ZNF454: variants seen among roughly 807,000 people sequenced by gnomAD.
ZNF454 encodes the protein zinc finger protein 454.
ZNF454 carries 30 observed loss-of-function variants against 48.2 expected under a neutral mutation model. That is an observed-to-expected ratio of 0.62 (90% CI 0.47 to 0.84). The LOEUF (loss-of-function observed/expected upper bound fraction) is 0.84, where lower values mean the gene tolerates loss of function less well. Among genes scored for constraint, ZNF454 ranks in the 40% least tolerant of loss-of-function variants. ZNF454 has a pLI of 0.00. For missense variants in ZNF454, 510 were observed against 623.1 expected, an observed-to-expected ratio of 0.82 and a Z score of 1.93; for synonymous variants, 204 against 211.4, an observed-to-expected ratio of 0.97 and a Z score of 0.30.
At chr5:178,961,804 C>T (rs992201868) in intron 4 of ZNF454, among the ~76,000 whole-genome samples, 14 of 145,616 alleles carry the variant, frequency 9.6e-5, no homozygotes, top group African/African-American at 2.3e-4. Context: ...GGCAACAGAG[C>T]GAGACTCTGT....
intron 4 of ZNF454, among the ~76,000 whole-genome samples, chr5:178,948,533 T>C (rs930292786): frequency 3.3e-5 from 5 of 152,138 alleles, no homozygotes; most frequent in Non-Finnish European, 7.3e-5. Context: ...CTTTTGTGCC[T>C]ACAGAGATTT....
intron 1 of ZNF454, among the ~76,000 whole-genome samples, chr5:178,942,121 C>A (rs1314041525): frequency 6.6e-6 from 1 of 151,594 alleles, no homozygotes; most frequent in African/African-American, 2.4e-5. Flanking sequence ...AGATAATTCT[C>A]GGCCGAGTGC....
chr5:178,971,288 A>C (rs1369982583), downstream of ZNF454, among the ~76,000 whole-genome samples: 2 of 152,158 alleles, frequency 1.3e-5, no homozygotes, highest in East Asian at 3.9e-4. Flanking sequence ...AGTAGGGGGA[A>C]GCATGAAGCC....
At position 178,941,383 on chromosome 5, in the gene ZNF454, G is replaced by A. The variant is rs1003246366; in HGVS notation, c.-169G>A. On this transcript the variant is annotated 5_prime_UTR_variant, in exon 1 of 5. Transcript: ENST00000519564. This position sits in a 1 kb window ranked among gnomAD's most constrained non-coding sequence, Gnocchi z 5.5. ...GGGAGAAGGGCGGAGGCAAAGCCGA[G>A]GAGGTGCGGGTTGTGGTCCATTCTG... 47 of 456,370 alleles carry A rather than the reference G, an allele frequency of 1.0e-4. No homozygotes were observed. The highest frequency in any genetic ancestry group is 4.8e-5 in the Non-Finnish European group (11 of 226,848). 28.3% of individuals were successfully genotyped at this position (456,370 alleles called of 1,614,324 possible).
chr5:178,977,692 C>A, the ZNF454 span, among the ~76,000 whole-genome samples: 1 of 152,100 alleles, frequency 6.6e-6, no homozygotes, highest in Non-Finnish European at 1.5e-5. Flanking sequence ...GCCTCAGCCC[C>A]CCGAGTAACT....
At chr5:178,985,573 G>A in the ZNF454 span, 76 of 338,888 alleles carry the variant, frequency 2.2e-4, 1 homozygote, top group Non-Finnish European at 2.8e-4. Context: ...CGTGGTGGCG[G>A]GCGCCTGTAG....
At chr5:178,945,427 T>G (rs755755213) in intron 2 of ZNF454, among the ~76,000 whole-genome samples, 36 of 147,958 alleles carry the variant, frequency 2.4e-4, no homozygotes, top group Admixed American at 7.4e-4. Context: ...TATGGGTGTG[T>G]GTATGCTTGT....
At chr5:178,957,566 C>G (rs567961757) in intron 4 of ZNF454, among the ~76,000 whole-genome samples, 1 of 151,932 alleles carries the variant, frequency 6.6e-6, no homozygotes, top group East Asian at 1.9e-4. Flanking sequence ...CCTGCCACCA[C>G]GTCCAGCTAA....
intron 4 of ZNF454, chr5:178,957,029 G>T (rs1353006802): frequency 5.9e-6 from 1 of 170,456 alleles, no homozygotes; most frequent in African/African-American, 2.4e-5. Flanking sequence ...GACTACAGGC[G>T]CCTGCCACCA....
downstream of ZNF454, among the ~76,000 whole-genome samples, chr5:178,970,450 G>A (rs567076877): frequency 1.8e-4 from 28 of 152,266 alleles, no homozygotes; most frequent in Middle Eastern, 3.4e-3. Context: ...AGGACCTCTC[G>A]GCGGTGCTGA....
chr5:178,964,784 A>G lies in ZNF454; in HGVS notation c.380A>G (p.Glu127Gly), dbSNP rs367751228. The G allele has an allele frequency of 1.9e-6, 3 of 1,614,226 alleles. No individual in the cohort carries two copies. The highest frequency in any genetic ancestry group is 2.5e-6 in the Non-Finnish European group (3 of 1,180,040). ...CACTGGAAGTGTGCTAGCCTGCTGG[A>G]GTGGCAATGTGGAGGCCAGGAGATC... ...SSHWKCASLL[E>G]WQCGGQEISL... is the part of the protein sequence containing the mutation. Residue 127 changes from glutamate to glycine, a missense_variant, in exon 5 of 5, where the codon GAG (glutamate) becomes GGG (glycine). This residue lies in a region of ZNF454 where 354 missense variants were observed against 408.9 expected (regional missense o/e 0.87). Transcript: ENST00000519564.
rs1759231672 is a variant in ZNF454 at position 178,944,367 on chromosome 5, T to A, written c.33+1543T>A. On this transcript the variant is annotated intron_variant, in intron 2 of 4. Transcript: ENST00000519564. This position sits in a 1 kb window ranked among gnomAD's most constrained non-coding sequence, Gnocchi z 4.1. ...TCCTTCCTTAACCTTTTCCTCAAAG[T>A]CACTGTCGGTGTCATACAATTTATC... is the stretch of plus-strand genomic sequence containing the variant. Among the ~76,000 whole-genome samples, 1 of 152,250 alleles carries A rather than the reference T, an allele frequency of 6.6e-6. No homozygotes were observed. The highest frequency in any genetic ancestry group is 2.4e-5 in the African/African-American group (1 of 41,460).
At chr5:178,980,340 A>C in the ZNF454 span, 1 of 154,400 alleles carries the variant, frequency 6.5e-6, no homozygotes, top group African/African-American at 2.4e-5. This position sits in a 1 kb window ranked among gnomAD's most constrained non-coding sequence, Gnocchi z 4.3. Flanking sequence ...TGAAAAACAA[A>C]TGTGCGTGCA....
At chr5:178,955,874 G>A (rs1012652158) in intron 4 of ZNF454, among the ~76,000 whole-genome samples, 2 of 152,148 alleles carry the variant, frequency 1.3e-5, no homozygotes, top group Non-Finnish European at 2.9e-5. Context: ...CTTACAGATT[G>A]TAGCCATGGC....
In ZNF454 at chr5:178,944,013, C is replaced by T. The variant is rs557794849; in HGVS notation, c.33+1189C>T. 7.2e-5 allele frequency among the ~76,000 whole-genome samples: 11 copies of T among 152,196 alleles called. No individual in the cohort carries two copies. Among genetic ancestry groups the T allele is most frequent in the African/African-American group, 2.2e-4 (9 of 41,530 alleles). ...GTGCACTCCAGCCTGAGTGACAGAG[C>T]GAGACTCCATCTCAAAAATAAAAAA... On this transcript the variant is annotated intron_variant, in intron 2 of 4. Coordinates refer to ENST00000519564, the MANE Select transcript of ZNF454 (RefSeq NM_001178089.3). The surrounding 1 kb of genome is among the most constrained non-coding windows in gnomAD (Gnocchi z 4.1).
chr5:178,975,801 T>C, the ZNF454 span: 1 of 353,924 alleles, frequency 2.8e-6, no homozygotes, highest in Non-Finnish European at 5.8e-6. Flanking sequence ...GTTTTGTAGA[T>C]GTGGGTAACC....
At position 178,946,586 on chromosome 5, in the gene ZNF454, G is replaced by C; in HGVS notation, c.160+101G>C. Reference sequence around the variant, plus strand: ...AGAGTCGGTTGGACCAACTGAGGACGCTGTCTTCAAGGGTGCCATTAATTT... The same window carrying C: ...AGAGTCGGTTGGACCAACTGAGGACCCTGTCTTCAAGGGTGCCATTAATTT... On this transcript the variant is annotated intron_variant, in intron 3 of 4. Coordinates refer to ENST00000519564, the MANE Select transcript of ZNF454 (RefSeq NM_001178089.3). This position sits in a 1 kb window ranked among gnomAD's most constrained non-coding sequence, Gnocchi z 4.5. The C allele has an allele frequency of 1.4e-6, 2 of 1,440,632 alleles. No individual in the cohort carries two copies. The allele number at this position is 1,440,632 out of a possible 1,614,324, so 89.2% of individuals were successfully genotyped here.
chr5:178,989,043 G>C, the ZNF454 span: 1 of 1,614,060 alleles, frequency 6.2e-7, no homozygotes, highest in South Asian at 1.1e-5. Flanking sequence ...TGCATGCTGT[G>C]GAGGGCGTGG....
At chr5:178,969,541 G>T (rs1760210689), downstream of ZNF454, 1 of 456,838 alleles carries the variant, frequency 2.2e-6, no homozygotes, top group Non-Finnish European at 4.4e-6. Context: ...GACAGACTTG[G>T]CCACCTGGTG....
Sources: gnomAD v4.1 joint callset for allele counts (sites outside exome capture counted in the v4.1 genomes callset) on GRCh38, gnomAD v4.1.1 for gene constraint, gnomAD v4.1.1 regional missense constraint, Gnocchi (gnomAD v3.1) non-coding constraint, MANE v1.5 for transcripts, NCBI Gene and HGNC (gene_info 2026-07-23, HGNC 2026-07-21) for gene names.